METTL2B: variants seen among roughly 807,000 people sequenced by gnomAD.
METTL2B encodes methyltransferase 2B, tRNA N3-cytidine.
Under a neutral mutation model 51.0 loss-of-function variants are expected in METTL2B, and 28 were observed. The ratio of observed to expected loss-of-function variants is 0.55; its 90% CI spans 0.41 to 0.75. The LOEUF is 0.75. METTL2B is among the 30% of genes least tolerant of loss of function. METTL2B has a pLI of 0.00. For synonymous variants in METTL2B, 128 were observed against 166.3 expected, an observed-to-expected ratio of 0.77 and a Z score of 1.77; for missense variants, 313 against 460.7, an observed-to-expected ratio of 0.68 and a Z score of 2.93.
intron 8 of METTL2B, 35 bp from the exon 9 acceptor site, chr7:128,501,727 G>C (rs780645504): frequency 1.9e-6 from 3 of 1,608,922 alleles, no homozygotes; most frequent in Non-Finnish European, 2.5e-6. Flanking sequence ...TTCTTGAGGG[G>C]AAAATGCATA....
At chr7:128,493,040 A>C (rs1792863623) in intron 5 of METTL2B, among the ~76,000 whole-genome samples, 1 of 152,142 alleles carries the variant, frequency 6.6e-6, no homozygotes, top group Admixed American at 6.6e-5. Context: ...AAAGTACACA[A>C]GAATAAAGAA....
chr7:128,488,944 C>T (rs1425814401), intron 5 of METTL2B, among the ~76,000 whole-genome samples: 1 of 151,692 alleles, frequency 6.6e-6, no homozygotes, highest in Non-Finnish European at 1.5e-5. Flanking sequence ...ACTAAAAATA[C>T]AAAAAAATTA....
At chr7:128,478,008 T>C (rs1488335975) in intron 2 of METTL2B, 1 of 434,336 alleles carries the variant, frequency 2.3e-6, no homozygotes, top group East Asian at 7.2e-5. Flanking sequence ...CAGTCAGTAG[T>C]AGCAGTAGTG....
intron 4 of METTL2B, chr7:128,484,230 T>TTTTTTTTTTTTTG (rs1792651839): frequency 9.3e-5 from 8 of 86,018 alleles, no homozygotes; most frequent in Non-Finnish European, 9.1e-5. Context: ...TTTTTTTTTT[T>TTTTTTTTTTTTTG]TTTTTTTTTT....
At chr7:128,496,875 G>A (rs536159180) in intron 6 of METTL2B, among the ~76,000 whole-genome samples, 2 of 152,150 alleles carry the variant, frequency 1.3e-5, no homozygotes, top group East Asian at 1.9e-4. Context: ...CTGCCTCCCG[G>A]GTTCAAGCGA....
chr7:128,479,334 A>G lies in METTL2B; in HGVS notation c.379A>G (p.Arg127Gly). ...GAACAAGAGTGAAGTATGTGAATGT[A>G]GAAACAATGAGGATGGACCTGGTTT... Reference protein sequence around the residue: ...LENKSEVCECRNNEDGPGLIM... With the variant: ...LENKSEVCECGNNEDGPGLIM... The change falls in exon 3 of 9, where the codon AGA becomes GGA. Residue 127 changes from arginine (R) to glycine (G), a missense_variant. Transcript: ENST00000262432. The G allele has an allele frequency of 6.2e-7, 1 of 1,614,260 alleles. No homozygotes were observed.
At chr7:128,490,261 A>G (rs1478595692) in intron 5 of METTL2B, among the ~76,000 whole-genome samples, 1 of 152,132 alleles carries the variant, frequency 6.6e-6, no homozygotes, top group Non-Finnish European at 1.5e-5. Flanking sequence ...AAAGAAAGAA[A>G]GAATAAGACT....
chr7:128,477,265 T>C (rs1799814740), intron 2 of METTL2B, 92 bp downstream of exon 2: 2 of 1,531,114 alleles, frequency 1.3e-6, no homozygotes, highest in Admixed American at 3.9e-5. Flanking sequence ...GCCGCCCACA[T>C]CCTTTATTCC....
In METTL2B at chr7:128,494,636, A is replaced by AT. The variant is rs983320281; in HGVS notation, c.809+702dup. Among the ~76,000 whole-genome samples, 47 of 150,444 alleles carry AT rather than the reference A, an allele frequency of 3.1e-4. 3 individuals are homozygous for AT. Among genetic ancestry groups the AT allele is most frequent in the African/African-American group, 8.0e-4 (33 of 41,076 alleles). On this transcript the variant is annotated intron_variant, in intron 6 of 8. Transcript: ENST00000262432. ...CATTATTGGCCTTTCATTTTATTTT[A>AT]TTTTTTTTTGAGACAGAGTCTCGCC...
intron 5 of METTL2B, among the ~76,000 whole-genome samples, chr7:128,491,384 T>C (rs1379965139): frequency 6.6e-6 from 1 of 151,718 alleles, no homozygotes; most frequent in Non-Finnish European, 1.5e-5. Flanking sequence ...TCATCTGAGG[T>C]CAAGAGTTCC....
At chr7:128,493,716 G>A (rs889851889) in intron 5 of METTL2B, 88 bp from the exon 6 acceptor site, 2 of 1,503,130 alleles carry the variant, frequency 1.3e-6, no homozygotes, top group Non-Finnish European at 1.8e-6. Flanking sequence ...AGTAGCAACA[G>A]TTACATTTAA....
intron 2 of METTL2B, among the ~76,000 whole-genome samples, chr7:128,478,252 C>CT (rs1273795166): frequency 0.032 from 4,557 of 141,010 alleles, 90 homozygotes; most frequent in South Asian, 0.062. Flanking sequence ...ACTGTCCATA[C>CT]TTTTTTTTTT....
chr7:128,499,396 A>G (rs1007263545), intron 7 of METTL2B, among the ~76,000 whole-genome samples: 3 of 152,076 alleles, frequency 2.0e-5, no homozygotes, highest in Non-Finnish European at 4.4e-5. Context: ...CTTGTTGCCC[A>G]GGCTGGAGCG....
chr7:128,480,468 G>T lies in METTL2B; in HGVS notation c.559-179G>T, dbSNP rs971470370. 6.6e-6 allele frequency among the ~76,000 whole-genome samples: 1 copy of T among 152,088 alleles called. No homozygotes were observed. Among genetic ancestry groups the T allele is most frequent in the African/African-American group, 2.4e-5 (1 of 41,404 alleles). On this transcript the variant is annotated intron_variant, in intron 3 of 8. Transcript: ENST00000262432. ...AAAACCCATGTTCTTGTCTTTTAAG[G>T]GTTCCTGAAGTCAACATCAAAATCA...
intron 4 of METTL2B, among the ~76,000 whole-genome samples, chr7:128,487,502 A>G (rs1407874739): frequency 6.6e-6 from 1 of 152,244 alleles, no homozygotes; most frequent in Non-Finnish European, 1.5e-5. Context: ...TTTAAAATCA[A>G]CATTTTTTGT....
chr7:128,482,693 C>G (rs1799887383), intron 4 of METTL2B, among the ~76,000 whole-genome samples: 1 of 152,090 alleles, frequency 6.6e-6, no homozygotes, highest in Non-Finnish European at 1.5e-5. Flanking sequence ...GCCACAATGC[C>G]CAGCTAATTT....
chr7:128,477,948 G>A (rs1276104051), intron 2 of METTL2B: 2 of 450,268 alleles, frequency 4.4e-6, no homozygotes, highest in Non-Finnish European at 4.5e-6. Flanking sequence ...TCTTTTTATA[G>A]TTAAAGACAC....
intron 6 of METTL2B, 75 bp downstream of exon 6, chr7:128,494,018 G>A (rs112738823): frequency 5.8e-6 from 9 of 1,539,984 alleles, no homozygotes; most frequent in Non-Finnish European, 7.9e-6. Flanking sequence ...TTAAAATAGG[G>A]TCTTGCTCCG....
intron 6 of METTL2B, among the ~76,000 whole-genome samples, chr7:128,494,777 G>A (rs1477772990): frequency 4.6e-5 from 7 of 152,008 alleles, no homozygotes; most frequent in African/African-American, 9.7e-5. Context: ...ACAGGCACCC[G>A]CCACCATGCC....
Sources: allele counts gnomAD v4.1 joint callset (sites outside exome capture counted in the v4.1 genomes callset), GRCh38; gene constraint gnomAD v4.1.1; transcripts MANE v1.5; gene names NCBI Gene and HGNC (gene_info 2026-07-23, HGNC 2026-07-21).